Variants in NR2C2 observed in about 807,000 individuals in gnomAD.
NR2C2 encodes the protein nuclear receptor subfamily 2 group C member 2.
NR2C2 carries 6 observed loss-of-function variants against 62.9 expected under a neutral mutation model. The observed-to-expected ratio is 0.10, with a 90% confidence interval of 0.05 to 0.19. The LOEUF (loss-of-function observed/expected upper bound fraction) is 0.19, where lower values mean the gene tolerates loss of function less well. NR2C2 is among the 10% of genes least tolerant of loss of function. NR2C2 has a pLI of 1.00. For missense variants in NR2C2, 479 were observed against 762.7 expected (o/e 0.63, Z 4.38); for synonymous variants, 272 against 273.8 (o/e 0.99, Z 0.07).
At chr3:14,971,195 G>A (rs2079041619) in intron 1 of NR2C2, among the ~76,000 whole-genome samples, 1 of 151,870 alleles carries the variant, frequency 6.6e-6, no homozygotes, top group South Asian at 2.1e-4. Flanking sequence ...TTGGCTCACT[G>A]CAACCTTTGC....
chr3:14,999,098 C>A lies in NR2C2; in HGVS notation c.-39-4778C>A, dbSNP rs545526878. On this transcript the variant is annotated intron_variant, in intron 1 of 13. Coordinates refer to ENST00000425241, the MANE Select transcript of NR2C2 (RefSeq NM_001291694.2). The stretch of plus-strand genomic sequence containing the variant: ...TTGGGAGGCCCAGGCGGGTGGATCA[C>A]CTGAGGTCAGGAGTTGGAGACCAGC... Among the ~76,000 whole-genome samples, 26 of 152,206 alleles carry A rather than the reference C, an allele frequency of 1.7e-4. No individual in the cohort carries two copies. In the East Asian group the frequency reaches 4.6e-3, roughly 27 times the overall value.
chr3:14,949,198 A>G (rs543106939), intron 1 of NR2C2, among the ~76,000 whole-genome samples: 1 of 152,220 alleles, frequency 6.6e-6, no homozygotes, highest in South Asian at 2.1e-4. Context: ...GTGAATAGAC[A>G]AATAATTCCA....
intron 1 of NR2C2, among the ~76,000 whole-genome samples, chr3:14,961,384 G>A (rs114766237): frequency 0.041 from 6,230 of 152,272 alleles, 442 homozygotes; most frequent in African/African-American, 0.14. Context: ...TCCACTTTGT[G>A]ATTGAGGGAG....
chr3:15,023,744 G>A (rs1158150138), intron 6 of NR2C2, among the ~76,000 whole-genome samples: 2 of 152,134 alleles, frequency 1.3e-5, no homozygotes, highest in Admixed American at 6.5e-5. Context: ...TAAAAGGAAC[G>A]GAAAGAGGGG....
chr3:14,974,199 G>C (rs918002748), intron 1 of NR2C2, among the ~76,000 whole-genome samples: 6 of 152,044 alleles, frequency 3.9e-5, no homozygotes, highest in East Asian at 1.9e-4. Flanking sequence ...TTTTGTGACT[G>C]GTTTATTTCA....
At chr3:14,990,839 AT>A in intron 1 of NR2C2, among the ~76,000 whole-genome samples, 1 of 152,362 alleles carries the variant, frequency 6.6e-6, no homozygotes, top group East Asian at 1.9e-4. Context: ...TTAGACACCT[AT>A]TGTATATTTG....
intron 1 of NR2C2, among the ~76,000 whole-genome samples, chr3:14,965,939 G>A (rs1450291649): frequency 2.0e-5 from 3 of 152,208 alleles, no homozygotes; most frequent in Non-Finnish European, 4.4e-5. Flanking sequence ...AAAGTGCTGG[G>A]ATTACAGGCG....
At chr3:15,020,616 C>T in intron 4 of NR2C2, 137 bp from the exon 5 acceptor site, 2 of 839,866 alleles carry the variant, frequency 2.4e-6, no homozygotes, top group Non-Finnish European at 1.9e-6. Flanking sequence ...AATGCTCAGG[C>T]CACGTGGCTG....
At position 15,046,987 on chromosome 3, in the gene NR2C2, T is replaced by C. The variant is rs1168582630; in HGVS notation, c.*3979T>C. On this transcript the variant is annotated 3_prime_UTR_variant, in exon 14 of 14. Transcript: ENST00000425241. The stretch of plus-strand genomic sequence containing the variant: ...GCCTCCCACCAGCGTGCACTTCGTA[T>C]GTCCAGCCCTGGGTCCCTTCAGCAG... The C allele has an allele frequency of 1.3e-5, 2 of 152,690 alleles. No homozygotes were observed. The highest frequency in any genetic ancestry group is 2.9e-5 in the Non-Finnish European group (2 of 68,056). The allele number at this position is 152,690 out of a possible 1,614,324, so 9.5% of individuals were successfully genotyped here.
Position 15,047,162 on chromosome 3 carries a change from A to G in NR2C2, c.*4154A>G. ...CATGTATCCAAACTTTCCTTTAAAG[A>G]GAGTTTTTCATAAAGTTGCTAATGT... is the stretch of plus-strand genomic sequence containing the variant. On this transcript the variant is annotated 3_prime_UTR_variant, in exon 14 of 14. Coordinates refer to ENST00000425241, the MANE Select transcript of NR2C2 (RefSeq NM_001291694.2). The G allele has an allele frequency of 6.5e-6, 1 of 152,748 alleles. No homozygotes were observed. The highest frequency in any genetic ancestry group is 2.4e-5 in the African/African-American group (1 of 41,554). 9.5% of individuals were successfully genotyped at this position (152,748 alleles called of 1,614,324 possible). A position where few individuals can be genotyped will look rare whatever the true frequency, so the allele number is the denominator to read the frequency against.
Position 14,983,460 on chromosome 3 carries a change from T to TACACAC in NR2C2, c.-39-20415_-39-20414insCACACA, listed in dbSNP as rs1474339720. ...ATAGGTTAATCTGGATTATACTCTT[T>TACACAC]ATACACACACACACACACACACACA... On this transcript the variant is annotated intron_variant, in intron 1 of 13. Transcript: ENST00000425241. Among the ~76,000 whole-genome samples, 15 of 96,152 alleles carry TACACAC rather than the reference T, an allele frequency of 1.6e-4. 1 individual carries two copies. The South Asian group carries it at 3.9e-3, about 25-fold the overall frequency. The allele number at this position is 96,152 out of a possible 152,430, so 63.1% of individuals were successfully genotyped here.
At chr3:15,023,498 G>GGCC in intron 6 of NR2C2, 151 bp downstream of exon 6, 3 of 844,576 alleles carry the variant, frequency 3.6e-6, no homozygotes, top group Non-Finnish European at 5.5e-6. Flanking sequence ...GAGCTGCTCA[G>GGCC]TCACACCTCT....
At chr3:14,949,244 A>G (rs549667153) in intron 1 of NR2C2, among the ~76,000 whole-genome samples, 4 of 152,332 alleles carry the variant, frequency 2.6e-5, no homozygotes, top group Admixed American at 2.0e-4. Context: ...AAGAAGCCAA[A>G]TGACCTGCTG....
chr3:14,992,747 G>C (rs1362956529), intron 1 of NR2C2, among the ~76,000 whole-genome samples: 1 of 152,226 alleles, frequency 6.6e-6, no homozygotes, highest in Non-Finnish European at 1.5e-5. Context: ...CAAAGGATGT[G>C]AAATGGAACA....
intron 1 of NR2C2, among the ~76,000 whole-genome samples, chr3:14,969,234 A>AATAAAGAT (rs1368775783): frequency 6.6e-6 from 1 of 151,002 alleles, no homozygotes; most frequent in Admixed American, 6.7e-5. Context: ...TCATTGCCTA[A>AATAAAGAT]ATAAAGATTC....
intron 12 of NR2C2, chr3:15,038,357 G>T (rs550097116): frequency 4.7e-6 from 2 of 429,870 alleles, no homozygotes; most frequent in Non-Finnish European, 8.2e-6. Flanking sequence ...ATGATGTCAC[G>T]CACTGAATAG....
intron 1 of NR2C2, among the ~76,000 whole-genome samples, chr3:14,993,129 T>C (rs1159708712): frequency 1.3e-5 from 2 of 152,220 alleles, no homozygotes; most frequent in Admixed American, 6.5e-5. Context: ...TGACTTTTTA[T>C]TGCTGTGCTG....
At chr3:15,030,678 A>C (rs1469941080) in intron 9 of NR2C2, among the ~76,000 whole-genome samples, 7 of 152,062 alleles carry the variant, frequency 4.6e-5, no homozygotes, top group African/African-American at 1.7e-4. Context: ...AAATACAAAA[A>C]TTAGTCGGGC....
chr3:14,953,548 A>G (rs569277161), intron 1 of NR2C2, among the ~76,000 whole-genome samples: 14 of 152,274 alleles, frequency 9.2e-5, no homozygotes, highest in African/African-American at 3.4e-4. Flanking sequence ...GATAAAAGCT[A>G]TGCAGGGGAA....
Sources: gnomAD v4.1 joint callset for allele counts (sites outside exome capture counted in the v4.1 genomes callset) on GRCh38, gnomAD v4.1.1 for gene constraint, MANE v1.5 for transcripts, NCBI Gene and HGNC (gene_info 2026-07-23, HGNC 2026-07-21) for gene names.